The following AVEN variants were observed in gnomAD, a reference collection of about 807,000 sequenced individuals.
AVEN encodes apoptosis and caspase activation inhibitor, also known as cell death regulator Aven.
A neutral mutation model predicts 38.1 loss-of-function variants in AVEN; 41 were observed. The ratio of observed to expected loss-of-function variants is 1.08; its 90% CI spans 0.84 to 1.40. The LOEUF (loss-of-function observed/expected upper bound fraction) is 1.40, where lower values mean the gene tolerates loss of function less well. Among genes scored for constraint, AVEN ranks in the 40% most tolerant of loss-of-function variants. The probability of loss-of-function intolerance (pLI) is 0.00; values close to 1 mark genes in which losing one functional copy is unlikely to be tolerated. For synonymous variants in AVEN, 206 were observed against 171.8 expected (o/e 1.20, Z -1.56); for missense variants, 605 against 438.8 (o/e 1.38, Z -3.38).
At chr15:34,008,382 T>C (rs566733743) in intron 1 of AVEN, among the ~76,000 whole-genome samples, 13 of 149,142 alleles carry the variant, frequency 8.7e-5, no homozygotes, top group African/African-American at 3.3e-4. Flanking sequence ...ATTGTGCCAC[T>C]GCACTGAAGC....
chr15:34,075,322 ACTT>A (rs1377915382), upstream of AVEN, among the ~76,000 whole-genome samples: 4 of 152,310 alleles, frequency 2.6e-5, no homozygotes, highest in East Asian at 7.7e-4. Flanking sequence ...GTAAACATGT[ACTT>A]CTTCACGTGA....
In AVEN at chr15:33,925,117, G is replaced by A. The variant is rs1163921157; in HGVS notation, c.446-49122C>T. 2.6e-5 allele frequency among the ~76,000 whole-genome samples: 4 copies of A among 152,184 alleles called. No individual in the cohort carries two copies. The South Asian group carries it at 6.2e-4, about 24-fold the overall frequency. On this transcript the variant is annotated intron_variant, in intron 2 of 5. Transcript: ENST00000306730. ...GTGTTAACTATATTGGTGTTTACAT[G>A]TCTTCTGGCTTTTATTATAAAGCAA...
intron 2 of AVEN, among the ~76,000 whole-genome samples, chr15:33,899,546 C>T (rs143926680): frequency 6.3e-5 from 9 of 143,538 alleles, no homozygotes; most frequent in African/African-American, 2.1e-4. Flanking sequence ...CTCAGCTCAC[C>T]GCAACCTCCG....
At chr15:34,042,250 C>T (rs1484936164), upstream of AVEN, among the ~76,000 whole-genome samples, 1 of 152,100 alleles carries the variant, frequency 6.6e-6, no homozygotes, top group Non-Finnish European at 1.5e-5. Context: ...AAACATATGC[C>T]ATTGCATGAA....
intron 3 of AVEN, 87 bp downstream of exon 3, chr15:33,875,838 T>C (rs1209775763): frequency 7.8e-7 from 1 of 1,286,348 alleles, no homozygotes; most frequent in Non-Finnish European, 1.1e-6. Flanking sequence ...CTTTTCTACA[T>C]GAAGACTCTA....
intron 2 of AVEN, among the ~76,000 whole-genome samples, chr15:33,907,032 G>C (rs1334701286): frequency 6.6e-6 from 1 of 152,104 alleles, no homozygotes; most frequent in East Asian, 1.9e-4. Flanking sequence ...TTACAACCAA[G>C]TTCTTCTACC....
chr15:33,870,850 G>C (rs1180626708), intron 4 of AVEN, 85 bp downstream of exon 4: 1 of 931,150 alleles, frequency 1.1e-6, no homozygotes, highest in Non-Finnish European at 1.6e-6. Flanking sequence ...AGCTGACACT[G>C]AGACATCCTG....
At chr15:33,961,620 T>G (rs376525554) in intron 2 of AVEN, among the ~76,000 whole-genome samples, 1 of 151,450 alleles carries the variant, frequency 6.6e-6, no homozygotes, top group African/African-American at 2.4e-5. Flanking sequence ...GAGACCATTC[T>G]GGCTAACACG....
chr15:33,865,491 C>T (rs573662020), downstream of AVEN: 4 of 406,266 alleles, frequency 9.8e-6, no homozygotes, highest in East Asian at 4.2e-5. Flanking sequence ...TTCAAGTTTT[C>T]CAGTTCTGAG....
intron 2 of AVEN, among the ~76,000 whole-genome samples, chr15:33,906,566 T>C (rs1448049219): frequency 6.6e-6 from 1 of 152,236 alleles, no homozygotes; most frequent in African/African-American, 2.4e-5. Context: ...TCGAAATACA[T>C]AATTCTATTT....
chr15:34,003,119 G>A lies in AVEN; in HGVS notation c.358C>T (p.Arg120Ter), dbSNP rs879214057. 2.4e-5 allele frequency: 38 copies of A among 1,613,508 alleles called. No individual in the cohort carries two copies. The highest frequency in any genetic ancestry group is 3.1e-5 in the Non-Finnish European group (37 of 1,179,688). ...SKRKIVSNWD[R>*]YQDIEKEVNN... ...ACCTCTTTTTCAATATCTTGATATC[G>A]ATCCCAGTTAGAGACAATCTTTCTT... The change falls in exon 2 of 6, where the codon CGA (arginine) becomes TGA (stop). Residue 120 changes from arginine (R) to a stop codon, truncating the protein, a stop_gained. Transcript: ENST00000306730. LOFTEE classifies it high-confidence loss of function.
intron 2 of AVEN, among the ~76,000 whole-genome samples, chr15:34,070,409 T>C (rs1167124570): frequency 6.6e-6 from 1 of 151,994 alleles, no homozygotes; most frequent in Non-Finnish European, 1.5e-5. Flanking sequence ...CTTTTAGCCA[T>C]TTTTGTATCC....
At position 34,038,827 on chromosome 15, in the gene AVEN, C is replaced by T. The variant is rs1006163343; in HGVS notation, c.220G>A (p.Gly74Ser). 5.0e-6 allele frequency: 6 copies of T among 1,191,248 alleles called. No individual in the cohort carries two copies. Among genetic ancestry groups the T allele is most frequent in the Non-Finnish European group, 6.2e-6 (6 of 962,132 alleles). The allele number at this position is 1,191,248 out of a possible 1,614,324, so 73.8% of individuals were successfully genotyped here. The change falls in exon 1 of 6, where the codon GGC (glycine) becomes AGC (serine). Residue 74 changes from glycine (G) to serine (S), a missense_variant. Physicochemically the swap from Gly to Ser is moderately conservative, Grantham distance 56. Transcript: ENST00000306730. ...CAGCCTCCCGGCTCCCGGCGGCTGC[C>T]TCGCGGGGCGCCTCCTCCTCCTCGG... ...GGRGGGGAPRGSRREPGGWGA... is the reference protein window; with the variant it reads ...GGRGGGGAPRSSRREPGGWGA...
Position 33,904,046 on chromosome 15 carries a change from G to C in AVEN, c.446-28051C>G, listed in dbSNP as rs373653500. On this transcript the variant is annotated intron_variant, in intron 2 of 5. Coordinates refer to ENST00000306730, the MANE Select transcript of AVEN (RefSeq NM_020371.3). The stretch of plus-strand genomic sequence containing the variant: ...TAAAAGTATGGTATTAAAATTTTAT[G>C]GGACCACTGTCGTATATGTGGTCCA... Among the ~76,000 whole-genome samples, 3 of 152,266 alleles carry C rather than the reference G, an allele frequency of 2.0e-5. No homozygotes were observed. The East Asian group carries it at 5.8e-4, about 29-fold the overall frequency.
chr15:33,984,479 T>C (rs6495423), intron 2 of AVEN, among the ~76,000 whole-genome samples: 65,569 of 151,362 alleles, frequency 0.43, 14,936 homozygotes, highest in African/African-American at 0.56. Flanking sequence ...CTCGGCTCAC[T>C]GCAACCTCCA....
At chr15:34,002,656 A>G (rs1283228638) in intron 2 of AVEN, among the ~76,000 whole-genome samples, 1 of 152,252 alleles carries the variant, frequency 6.6e-6, no homozygotes, top group Non-Finnish European at 1.5e-5. Flanking sequence ...GAAAAAAAAG[A>G]GAACATATAT....
At position 33,894,019 on chromosome 15, in the gene AVEN, G is replaced by A. The variant is rs144257161; in HGVS notation, c.446-18024C>T. On this transcript the variant is annotated intron_variant, in intron 2 of 5. Transcript: ENST00000306730. ...GGCTGGAGTGCAATGGCGTGATCTC[G>A]GCTCACTGCAACCTCCACCTCCTGG... 7.0e-3 allele frequency among the ~76,000 whole-genome samples: 1,037 copies of A among 148,162 alleles called. 15 individuals are homozygous for A. The highest frequency in any genetic ancestry group is 0.025 in the African/African-American group (991 of 40,354).
At chr15:33,855,358 C>T (rs1235432957), downstream of AVEN, among the ~76,000 whole-genome samples, 1 of 152,218 alleles carries the variant, frequency 6.6e-6, no homozygotes, top group East Asian at 1.9e-4. Flanking sequence ...CACATGCCAC[C>T]ATGCCCGGCT....
intron 2 of AVEN, among the ~76,000 whole-genome samples, chr15:33,903,552 T>G (rs1036015137): frequency 6.6e-6 from 1 of 152,226 alleles, no homozygotes; most frequent in Admixed American, 6.5e-5. Flanking sequence ...AGACTAATTT[T>G]ACATGCTTTG....
Sources: gnomAD v4.1 joint callset for allele counts (sites outside exome capture counted in the v4.1 genomes callset) on GRCh38, gnomAD v4.1.1 for gene constraint, MANE v1.5 for transcripts, NCBI Gene and HGNC (gene_info 2026-07-23, HGNC 2026-07-21) for gene names.